LAMA2: variants seen among roughly 807,000 people sequenced by gnomAD.
LAMA2 encodes the protein laminin subunit alpha-2.
A neutral mutation model predicts 364.8 loss-of-function variants in LAMA2; 269 were observed. The observed-to-expected ratio is 0.74, with a 90% CI of 0.67 to 0.82. The LOEUF (loss-of-function observed/expected upper bound fraction) is 0.82. LAMA2 is among the 40% of genes least tolerant of loss of function. The pLI is 0.00. For synonymous variants in LAMA2, 1,379 were observed against 1,370.6 expected, an observed-to-expected ratio of 1.01 and a Z score of -0.14; for missense variants, 3,807 against 3,873.2, an observed-to-expected ratio of 0.98 and a Z score of 0.45.
chr6:128,904,215 T>G (rs1562813295), intron 1 of LAMA2, among the ~76,000 whole-genome samples: 1 of 152,170 alleles, frequency 6.6e-6, no homozygotes, highest in Admixed American at 6.5e-5. Context: ...AAAGACAGCT[T>G]TCTGACTCGT....
chr6:128,981,337 G>A (rs1041248290), intron 1 of LAMA2, among the ~76,000 whole-genome samples: 2 of 152,152 alleles, frequency 1.3e-5, no homozygotes, highest in African/African-American at 2.4e-5. Context: ...CAGGATAAAC[G>A]TGAAACTCCT....
intron 4 of LAMA2, among the ~76,000 whole-genome samples, chr6:129,112,637 A>G (rs1393353504): frequency 6.6e-6 from 1 of 151,892 alleles, no homozygotes; most frequent in African/African-American, 2.4e-5. Context: ...GATAATGGAC[A>G]TTATGCTTTT....
At chr6:129,125,402 CAAG>C (rs1226207555) in intron 4 of LAMA2, among the ~76,000 whole-genome samples, 1 of 152,082 alleles carries the variant, frequency 6.6e-6, no homozygotes, top group Non-Finnish European at 1.5e-5. Flanking sequence ...CCAGGAAGTA[CAAG>C]AAGACCTAGA....
intron 41 of LAMA2, among the ~76,000 whole-genome samples, chr6:129,428,942 C>A (rs1430453504): frequency 1.3e-5 from 2 of 152,150 alleles, no homozygotes; most frequent in Non-Finnish European, 2.9e-5. Flanking sequence ...TCTTCAGTTT[C>A]ATTCCCTACC....
chr6:128,949,695 A>T (rs1780692740), intron 1 of LAMA2, among the ~76,000 whole-genome samples: 1 of 152,206 alleles, frequency 6.6e-6, no homozygotes, highest in African/African-American at 2.4e-5. Context: ...AGATACATTC[A>T]GTGATTTAAA....
rs188369338 is a variant in LAMA2 at position 129,458,565 on chromosome 6, A to C, written c.6868-1635A>C. On this transcript the variant is annotated intron_variant, in intron 48 of 64. Coordinates refer to ENST00000421865, the MANE Select transcript of LAMA2 (RefSeq NM_000426.4). ...GCAAGAAGAAGCAAAAAGCAAGCAGAATTCACAAGTAGGATAATCAATCTC... is the reference window on the plus strand; with the variant it reads ...GCAAGAAGAAGCAAAAAGCAAGCAGCATTCACAAGTAGGATAATCAATCTC... 7.2e-5 allele frequency among the ~76,000 whole-genome samples: 11 copies of C among 152,086 alleles called. No individual in the cohort carries two copies. In the East Asian group the frequency reaches 1.9e-3, roughly 27 times the overall value.
At chr6:129,432,609 G>A (rs1381449532) in intron 41 of LAMA2, among the ~76,000 whole-genome samples, 1 of 152,132 alleles carries the variant, frequency 6.6e-6, no homozygotes, top group Non-Finnish European at 1.5e-5. Context: ...GCCTTCAAGA[G>A]ACTTACAGAT....
At chr6:129,344,340 G>A (rs896156338) in intron 30 of LAMA2, among the ~76,000 whole-genome samples, 2 of 152,128 alleles carry the variant, frequency 1.3e-5, no homozygotes, top group Non-Finnish European at 2.9e-5. Flanking sequence ...TTACAGATTC[G>A]GAAACTAATT....
intron 16 of LAMA2, among the ~76,000 whole-genome samples, chr6:129,268,467 C>T (rs1182346081): frequency 1.3e-5 from 2 of 151,948 alleles, no homozygotes; most frequent in Non-Finnish European, 2.9e-5. Context: ...TGTCATAATA[C>T]CAAACTCATG....
chr6:129,161,698 T>A (rs1779447142), intron 8 of LAMA2, among the ~76,000 whole-genome samples: 1 of 152,142 alleles, frequency 6.6e-6, no homozygotes, highest in Non-Finnish European at 1.5e-5. Flanking sequence ...GTTGCCTTCT[T>A]TGTGTCCATG....
At chr6:129,420,896 T>C (rs1781040576) in intron 40 of LAMA2, among the ~76,000 whole-genome samples, 1 of 152,162 alleles carries the variant, frequency 6.6e-6, no homozygotes, top group Non-Finnish European at 1.5e-5. Context: ...ATGGTAATGA[T>C]TGTCTTTTTT....
At chr6:129,500,631 T>C (rs1785557321) in intron 58 of LAMA2, among the ~76,000 whole-genome samples, 2 of 152,206 alleles carry the variant, frequency 1.3e-5, no homozygotes, top group African/African-American at 2.4e-5. Flanking sequence ...AAAGGTTTTT[T>C]TCTAAAATGG....
intron 3 of LAMA2, among the ~76,000 whole-genome samples, chr6:129,093,231 C>T (rs940353365): frequency 9.2e-5 from 14 of 151,748 alleles, no homozygotes; most frequent in Non-Finnish European, 1.8e-4. Flanking sequence ...CATCGTGATC[C>T]GCCTGCCCCA....
chr6:129,183,223 A>T (rs932624024), intron 10 of LAMA2, among the ~76,000 whole-genome samples: 1 of 151,928 alleles, frequency 6.6e-6, no homozygotes, highest in Non-Finnish European at 1.5e-5. Flanking sequence ...GACTCTCAGT[A>T]TTTGTTTATT....
rs180865616 is a variant in LAMA2, at chr6:128,883,604, G to C, written c.112+247G>C. Among the ~76,000 whole-genome samples, 198 of 152,072 alleles carry C rather than the reference G, an allele frequency of 1.3e-3. 6 individuals are homozygous for C. The South Asian group carries it at 0.039, about 30-fold the overall frequency. Reference sequence around the variant, plus strand: ...TTTCATTGTTCTTTAGTTTCGAAGAGGTCTTGCTATCACGATACATCCCGT... The same window carrying C: ...TTTCATTGTTCTTTAGTTTCGAAGACGTCTTGCTATCACGATACATCCCGT... On this transcript the variant is annotated intron_variant, in intron 1 of 64. Coordinates refer to ENST00000421865, the MANE Select transcript of LAMA2 (RefSeq NM_000426.4).
chr6:129,267,205 A>C lies in LAMA2; in HGVS notation c.2308A>C (p.Thr770Pro). The C allele has an allele frequency of 6.2e-7, 1 of 1,609,194 alleles. No homozygotes were observed. Among genetic ancestry groups the C allele is most frequent in the Non-Finnish European group, 8.5e-7 (1 of 1,175,670 alleles). ...TCATGCGGAGTCCTGTGATGACGTC[A>C]CTGGAGAATGCCTGGTAAGTGCTCT... is the stretch of plus-strand genomic sequence containing the variant. ...FGHAESCDDV[T>P]GECLNCKDHT... The change falls in exon 16 of 65, where the codon ACT becomes CCT. Residue 770 changes from threonine to proline, a missense_variant. Physicochemically the swap from Thr to Pro is conservative, Grantham distance 38 (BLOSUM62 -1). Around this residue, in one of 3 missense-constraint regions of LAMA2, gnomAD observed 3,333 missense variants for 3,345.7 expected, o/e 1.00. Coordinates refer to ENST00000421865, the MANE Select transcript of LAMA2 (RefSeq NM_000426.4).
intron 8 of LAMA2, chr6:129,158,904 T>A (rs771409269): frequency 8.2e-5 from 132 of 1,607,722 alleles, no homozygotes; most frequent in Non-Finnish European, 1.0e-4. Context: ...CATGTGTTAT[T>A]AATAGCATCA....
intron 55 of LAMA2, 64 bp from the exon 56 acceptor site, chr6:129,486,410 A>G (rs2114848681): frequency 6.6e-7 from 1 of 1,507,982 alleles, no homozygotes; most frequent in Admixed American, 1.7e-5. Flanking sequence ...CTGCCAGGGA[A>G]TCTCTAAAGC....
chr6:128,917,706 T>TC (rs1554322939), intron 1 of LAMA2, among the ~76,000 whole-genome samples: 1 of 98,364 alleles, frequency 1.0e-5, no homozygotes, highest in Non-Finnish European at 1.9e-5. Flanking sequence ...TTTCTTTTTT[T>TC]TTTCTTTCTT....
Sources: allele counts gnomAD v4.1 joint callset (sites outside exome capture counted in the v4.1 genomes callset), GRCh38; gene constraint gnomAD v4.1.1; regional missense constraint gnomAD v4.1.1; transcripts MANE v1.5; gene names NCBI Gene and HGNC (gene_info 2026-07-23, HGNC 2026-07-21).